The following LINGO1 variants were observed in gnomAD, a reference collection of about 807,000 sequenced individuals.
LINGO1 encodes the protein leucine-rich repeat and immunoglobulin-like domain-containing nogo receptor-interacting protein 1.
LINGO1 carries 11 observed loss-of-function variants against 37.3 expected under a neutral mutation model. The observed-to-expected ratio is 0.29, with a 90% CI of 0.19 to 0.49. The LOEUF (loss-of-function observed/expected upper bound fraction) is 0.49, where lower values mean the gene tolerates loss of function less well. Ranked by LOEUF, LINGO1 falls within the 20% of genes least tolerant of loss-of-function variation. LINGO1 has a pLI of 0.99. For synonymous variants in LINGO1, 387 were observed against 403.0 expected (o/e 0.96, Z 0.48); for missense variants, 585 against 878.2 (o/e 0.67, Z 4.22).
intron 3 of LINGO1, among the ~76,000 whole-genome samples, chr15:77,660,904 A>C (rs1319145312): frequency 3.3e-5 from 5 of 152,166 alleles, no homozygotes; most frequent in African/African-American, 4.8e-5. Context: ...GCTGTGCCTG[A>C]GCCTGGCTGC....
intron 1 of LINGO1, among the ~76,000 whole-genome samples, chr15:77,816,377 G>A (rs1567599308): frequency 6.6e-6 from 1 of 152,188 alleles, no homozygotes; most frequent in Non-Finnish European, 1.5e-5. Context: ...GAAGCCCACG[G>A]AAGAAACTCT....
rs973565369 is a variant in LINGO1 at position 77,615,731 on chromosome 15, C to T, written c.176G>A (p.Arg59His). ...SAQDRAVLCH[R>H]KRFVAVPEGI... ...CTCGGGGACTGCCACAAAGCGCTTGCGGTGGCACAGCACAGCGCGGTCCTG... is the reference window on the plus strand; with the variant it reads ...CTCGGGGACTGCCACAAAGCGCTTGTGGTGGCACAGCACAGCGCGGTCCTG... Residue 59 changes from arginine to histidine, a missense_variant, in exon 2 of 2, where the codon CGC (arginine) becomes CAC (histidine). Arg to His is a conservative substitution (Grantham distance 29). Transcript: ENST00000355300. The T allele has an allele frequency of 4.4e-6, 7 of 1,594,382 alleles. No individual in the cohort carries two copies. The highest frequency in any genetic ancestry group is 6.0e-6 in the Non-Finnish European group (7 of 1,172,752).
intron 1 of LINGO1, among the ~76,000 whole-genome samples, chr15:77,625,402 T>G (rs1166003976): frequency 6.6e-6 from 1 of 152,214 alleles, no homozygotes; most frequent in Non-Finnish European, 1.5e-5. Context: ...TATCCCCATT[T>G]TGCAGATGGA....
chr15:77,750,261 C>T (rs1193181617), intron 1 of LINGO1, among the ~76,000 whole-genome samples: 2 of 152,224 alleles, frequency 1.3e-5, no homozygotes, highest in African/African-American at 4.8e-5. Flanking sequence ...CTGCTCCCTT[C>T]TCTCCCCTAC....
At chr15:77,681,104 C>T (rs936540437) in intron 2 of LINGO1, among the ~76,000 whole-genome samples, 1 of 152,054 alleles carries the variant, frequency 6.6e-6, no homozygotes, top group African/African-American at 2.4e-5. Context: ...CCAGTGCAAC[C>T]AAAAACAAAG....
intron 3 of LINGO1, among the ~76,000 whole-genome samples, chr15:77,664,634 C>T (rs913817185): frequency 3.3e-5 from 5 of 152,172 alleles, no homozygotes; most frequent in African/African-American, 1.2e-4. Flanking sequence ...CTGGAGGGCT[C>T]CTCCCAGCCT....
intron 1 of LINGO1, among the ~76,000 whole-genome samples, chr15:77,816,711 G>A (rs2077050917): frequency 6.6e-6 from 1 of 152,058 alleles, no homozygotes; most frequent in African/African-American, 2.4e-5. Context: ...ATAGACCAGG[G>A]GCCAAATAAG....
At chr15:77,784,764 AG>A (rs1343393033) in intron 1 of LINGO1, 1 of 152,286 alleles carries the variant, frequency 6.6e-6, no homozygotes, top group Admixed American at 6.5e-5. Flanking sequence ...TAGACCTGGT[AG>A]GGCTTGGCTG....
rs1022839586 is a variant in LINGO1, at chr15:77,804,025, T to G, written c.-457-7972A>C. ...GGGGGCTGGAACACCTAGCATCTCA[T>G]CCTAGGTAGCACAACAGGTGACATT... On this transcript the variant is annotated intron_variant, in intron 1 of 5. Transcript: ENST00000562933. Among the ~76,000 whole-genome samples, 4 of 151,972 alleles carry G rather than the reference T, an allele frequency of 2.6e-5. No individual in the cohort carries two copies. The South Asian group carries it at 8.3e-4, about 32-fold the overall frequency.
intron 2 of LINGO1, among the ~76,000 whole-genome samples, chr15:77,721,130 C>G (rs1199816793): frequency 1.3e-5 from 2 of 152,146 alleles, no homozygotes; most frequent in Non-Finnish European, 2.9e-5. Context: ...CCTCCTGTGA[C>G]AGCCAGAAAT....
At chr15:77,779,590 T>A (rs918094709) in intron 1 of LINGO1, among the ~76,000 whole-genome samples, 1 of 151,992 alleles carries the variant, frequency 6.6e-6, no homozygotes, top group African/African-American at 2.4e-5. Context: ...CATGCGCAGT[T>A]CACAATAGGG....
intron 1 of LINGO1, among the ~76,000 whole-genome samples, chr15:77,803,396 T>C (rs1194112456): frequency 6.6e-6 from 1 of 151,046 alleles, no homozygotes; most frequent in Non-Finnish European, 1.5e-5. Flanking sequence ...TGCAGTGAGC[T>C]AAGACCACAC....
At chr15:77,724,496 G>A (rs573187005) in intron 2 of LINGO1, among the ~76,000 whole-genome samples, 13 of 152,332 alleles carry the variant, frequency 8.5e-5, no homozygotes, top group African/African-American at 2.4e-5. Context: ...CTGTGTCCCC[G>A]TTGTTGAGAT....
intron 3 of LINGO1, among the ~76,000 whole-genome samples, chr15:77,669,008 A>G (rs984961192): frequency 6.6e-6 from 1 of 152,250 alleles, no homozygotes; most frequent in Non-Finnish European, 1.5e-5. Flanking sequence ...CGTGGCCTGA[A>G]TATTTCACAG....
chr15:77,630,500 G>C (rs904499944), intron 1 of LINGO1, among the ~76,000 whole-genome samples: 3 of 152,260 alleles, frequency 2.0e-5, no homozygotes, highest in African/African-American at 7.2e-5. Flanking sequence ...ACCCAATATA[G>C]GAGAAATGGA....
At chr15:77,721,849 G>A (rs1019473604) in intron 2 of LINGO1, among the ~76,000 whole-genome samples, 11 of 152,042 alleles carry the variant, frequency 7.2e-5, no homozygotes, top group Admixed American at 1.3e-4. Flanking sequence ...GGGCAGCCTG[G>A]AGCAGGTAAC....
At chr15:77,693,227 T>C (rs2075635379) in intron 1 of LINGO1, among the ~76,000 whole-genome samples, 1 of 152,230 alleles carries the variant, frequency 6.6e-6, no homozygotes, top group Non-Finnish European at 1.5e-5. Context: ...ACTAGGTATA[T>C]TATAGGGGCT....
intron 1 of LINGO1, among the ~76,000 whole-genome samples, chr15:77,627,301 G>A (rs549488083): frequency 3.9e-5 from 6 of 152,212 alleles, no homozygotes; most frequent in East Asian, 3.9e-4. Context: ...AAAAGGCAGC[G>A]TGGAATCAAT....
chr15:77,742,473 G>A (rs2141350725), intron 1 of LINGO1, among the ~76,000 whole-genome samples: 1 of 152,324 alleles, frequency 6.6e-6, no homozygotes, highest in East Asian at 1.9e-4. Context: ...GGAAACTAAG[G>A]TGCAGGGTGG....
Sources: gnomAD v4.1 joint callset for allele counts (sites outside exome capture counted in the v4.1 genomes callset) on GRCh38, gnomAD v4.1.1 for gene constraint, MANE v1.5 for transcripts, NCBI Gene and HGNC (gene_info 2026-07-23, HGNC 2026-07-21) for gene names.